Variants in SH3PXD2A observed in about 807,000 individuals in gnomAD.
SH3PXD2A encodes SH3 and PX domains 2A.
A neutral mutation model predicts 115.2 loss-of-function variants in SH3PXD2A; 32 were observed. The observed-to-expected ratio is 0.28, with a 90% CI of 0.21 to 0.37. The LOEUF (loss-of-function observed/expected upper bound fraction) is 0.37, where lower values mean the gene tolerates loss of function less well. Ranked by LOEUF, SH3PXD2A falls within the 10% of genes least tolerant of loss-of-function variation. The pLI is 1.00. For missense variants in SH3PXD2A, 1,328 were observed against 1,498.7 expected, an observed-to-expected ratio of 0.89 and a Z score of 1.88; for synonymous variants, 610 against 629.1, an observed-to-expected ratio of 0.97 and a Z score of 0.45.
At chr10:103,776,425 C>CGTGTGT (rs1467993816) in intron 2 of SH3PXD2A, among the ~76,000 whole-genome samples, 5 of 112,104 alleles carry the variant, frequency 4.5e-5, no homozygotes, top group African/African-American at 3.9e-5. Context: ...TGTGTGCATG[C>CGTGTGT]GTGTGTGTGT....
At chr10:103,772,506 G>T (rs1345269267) in intron 2 of SH3PXD2A, among the ~76,000 whole-genome samples, 1 of 152,250 alleles carries the variant, frequency 6.6e-6, no homozygotes, top group Non-Finnish European at 1.5e-5. Context: ...CATCGCCAGA[G>T]TCCTGGCTGG....
At chr10:103,646,604 C>G (rs2134012049) in intron 8 of SH3PXD2A, among the ~76,000 whole-genome samples, 1 of 152,294 alleles carries the variant, frequency 6.6e-6, no homozygotes, top group South Asian at 2.1e-4. Context: ...CACAACCAAC[C>G]AGCAACCACA....
chr10:103,655,860 A>G (rs1427420990), intron 8 of SH3PXD2A, among the ~76,000 whole-genome samples: 2 of 151,838 alleles, frequency 1.3e-5, no homozygotes, highest in African/African-American at 4.8e-5. Flanking sequence ...GAGCACATCA[A>G]TTAGACTCTA....
rs750603340 is a variant in SH3PXD2A, at chr10:103,692,994, A to C, written c.427+34T>G. 1.9e-6 allele frequency: 3 copies of C among 1,594,568 alleles called. No homozygotes were observed. The South Asian group carries it at 3.3e-5, about 18-fold the overall frequency. On this transcript the variant is annotated intron_variant, in intron 6 of 14. Coordinates refer to ENST00000369774, the MANE Select transcript of SH3PXD2A (RefSeq NM_001394015.1). ...GGGCGCGTGCACGAAGCGGGAAGGAAGGCTGAAGGGAAAACGCCCGGAGGC... is the reference window on the plus strand; with the variant it reads ...GGGCGCGTGCACGAAGCGGGAAGGACGGCTGAAGGGAAAACGCCCGGAGGC...
At chr10:103,675,095 G>A (rs964915689) in intron 6 of SH3PXD2A, among the ~76,000 whole-genome samples, 4 of 152,152 alleles carry the variant, frequency 2.6e-5, no homozygotes, top group South Asian at 2.1e-4. Context: ...ACTGGAGGGC[G>A]AGGGGTGAAT....
At chr10:103,634,059 C>G (rs1176214153) in intron 8 of SH3PXD2A, among the ~76,000 whole-genome samples, 2 of 152,216 alleles carry the variant, frequency 1.3e-5, no homozygotes, top group East Asian at 1.9e-4. Flanking sequence ...TGTGCTGAGG[C>G]CTGTGTGGCA....
intron 2 of SH3PXD2A, among the ~76,000 whole-genome samples, chr10:103,795,942 G>GGAAGGAAGGAAT (rs2039083640): frequency 6.7e-6 from 1 of 149,982 alleles, no homozygotes; most frequent in African/African-American, 2.5e-5. Flanking sequence ...CAGGAAGGAA[G>GGAAGGAAGGAAT]GAAGGAAGGA....
chr10:103,696,303 G>C (rs1431236719), intron 5 of SH3PXD2A, among the ~76,000 whole-genome samples: 1 of 152,200 alleles, frequency 6.6e-6, no homozygotes, highest in Non-Finnish European at 1.5e-5. Flanking sequence ...TTTAGCTGCT[G>C]AATAGGGTGA....
chr10:103,767,817 T>TTG lies in SH3PXD2A; in HGVS notation c.154-649_154-648insCA, dbSNP rs1564884184. On this transcript the variant is annotated intron_variant, in intron 2 of 14. Coordinates refer to ENST00000369774, the MANE Select transcript of SH3PXD2A (RefSeq NM_001394015.1). Reference sequence around the variant, plus strand: ...TGGAGGAACAACTGTTTTGTTTTTTTTTTTTTTTTTTTTTTTTGCTATTCT... The same window carrying TTG: ...TGGAGGAACAACTGTTTTGTTTTTTTTGTTTTTTTTTTTTTTTTTGCTATTCT... Among the ~76,000 whole-genome samples the TTG allele has an allele frequency of 1.2e-3, 173 of 140,812 alleles. 2 individuals are homozygous for TTG. The highest frequency in any genetic ancestry group is 7.1e-3 in the Middle Eastern group (2 of 282). The allele number at this position is 140,812 out of a possible 152,430, so 92.4% of individuals were successfully genotyped here. A position where few individuals can be genotyped will look rare whatever the true frequency, so the allele number is the denominator to read the frequency against.
chr10:103,681,868 G>A lies in SH3PXD2A; in HGVS notation c.427+11160C>T, dbSNP rs74560964. 3.7e-3 allele frequency among the ~76,000 whole-genome samples: 561 copies of A among 152,242 alleles called. 19 individuals carry two copies. In the East Asian group the frequency reaches 0.069, roughly 19 times the overall value. ...GGTGGGTGGACTGCTTGAGGAGCTT[G>A]GGAGTTTGAGACCAGCCTGGGCAAT... On this transcript the variant is annotated intron_variant, in intron 6 of 14. Transcript: ENST00000369774.
In SH3PXD2A at chr10:103,688,778, T is replaced by C. The variant is rs75255011; in HGVS notation, c.427+4250A>G. Among the ~76,000 whole-genome samples, 1,051 of 152,272 alleles carry C rather than the reference T, an allele frequency of 6.9e-3. 4 individuals are homozygous for C. The highest frequency in any genetic ancestry group is 0.011 in the Non-Finnish European group (743 of 68,016). On this transcript the variant is annotated intron_variant, in intron 6 of 14. Transcript: ENST00000369774. Reference sequence around the variant, plus strand: ...GTGAGCCAGGGTAGGGAATTAGTTCTGGGTGGGATGGAGTCCCTGGGGGAA... The same window carrying C: ...GTGAGCCAGGGTAGGGAATTAGTTCCGGGTGGGATGGAGTCCCTGGGGGAA...
intron 8 of SH3PXD2A, among the ~76,000 whole-genome samples, chr10:103,636,442 A>G (rs1259915124): frequency 1.3e-5 from 2 of 151,694 alleles, no homozygotes; most frequent in Non-Finnish European, 2.9e-5. Flanking sequence ...AGAGATGGAA[A>G]CTGAGGCACA....
intron 1 of SH3PXD2A, among the ~76,000 whole-genome samples, chr10:103,847,901 T>C (rs1842862201): frequency 6.6e-6 from 1 of 150,698 alleles, no homozygotes; most frequent in Non-Finnish European, 1.5e-5. Flanking sequence ...ATCGCACCAC[T>C]GCACTCCAGC....
At chr10:103,609,925 T>G (rs1243684366) in intron 13 of SH3PXD2A, 4 of 152,252 alleles carry the variant, frequency 2.6e-5, no homozygotes, top group Non-Finnish European at 5.9e-5. Flanking sequence ...TCTCTGAACT[T>G]CAGTTCTCTC....
At chr10:103,842,091 C>G (rs2039605968) in intron 1 of SH3PXD2A, among the ~76,000 whole-genome samples, 1 of 144,368 alleles carries the variant, frequency 6.9e-6, no homozygotes, top group Non-Finnish European at 1.5e-5. Context: ...CACCACTACA[C>G]TGCAGCCTGG....
At chr10:103,775,254 C>T (rs538001016) in intron 2 of SH3PXD2A, among the ~76,000 whole-genome samples, 48 of 152,306 alleles carry the variant, frequency 3.2e-4, no homozygotes, top group Non-Finnish European at 6.2e-4. Flanking sequence ...AACATGCAAG[C>T]CTTCACTACT....
At position 103,650,046 on chromosome 10, in the gene SH3PXD2A, G is replaced by A. The variant is rs2037095246; in HGVS notation, c.604+10937C>T. 2.0e-5 allele frequency among the ~76,000 whole-genome samples: 3 copies of A among 152,230 alleles called. No individual in the cohort carries two copies. In the South Asian group the frequency reaches 6.2e-4, roughly 32 times the overall value. Reference sequence around the variant, plus strand: ...GGGGCACGTGAAGCTGATCTTGTGGGGAGAGGAGAGGGGAGTTAGAAAAAC... The same window carrying A: ...GGGGCACGTGAAGCTGATCTTGTGGAGAGAGGAGAGGGGAGTTAGAAAAAC... On this transcript the variant is annotated intron_variant, in intron 8 of 14. Coordinates refer to ENST00000369774, the MANE Select transcript of SH3PXD2A (RefSeq NM_001394015.1).
intron 13 of SH3PXD2A, among the ~76,000 whole-genome samples, chr10:103,606,498 C>T (rs1366903414): frequency 6.7e-6 from 1 of 149,920 alleles, no homozygotes; most frequent in Non-Finnish European, 1.5e-5. Flanking sequence ...TCCCTCTCCC[C>T]ACGGTCTCCC....
Position 103,617,457 on chromosome 10 carries a change from AG to A in SH3PXD2A, c.803-144del, listed in dbSNP as rs546545735. The A allele has an allele frequency of 1.1e-4, 68 of 637,850 alleles. No homozygotes were observed. In the East Asian group the frequency reaches 1.5e-3, roughly 14 times the overall value. The allele number at this position is 637,850 out of a possible 1,614,324, so 39.5% of individuals were successfully genotyped here. On this transcript the variant is annotated intron_variant, in intron 10 of 14. Transcript: ENST00000369774. ...GGGTTGGCTCTGGCTTCTCCAGGGG[AG>A]GGAAGGACCAGGCCCCAGAGGTGGC... is the stretch of plus-strand genomic sequence containing the variant.
Sources: gnomAD v4.1 joint callset for allele counts (sites outside exome capture counted in the v4.1 genomes callset) on GRCh38, gnomAD v4.1.1 for gene constraint, MANE v1.5 for transcripts, NCBI Gene and HGNC (gene_info 2026-07-23, HGNC 2026-07-21) for gene names.